CFAP251: variants seen among roughly 807,000 people sequenced by gnomAD.
CFAP251 encodes cilia and flagella associated protein 251, also known as cilia- and flagella-associated protein 251.
A neutral mutation model predicts 126.7 loss-of-function variants in CFAP251; 93 were observed. That is an observed-to-expected ratio of 0.73 (90% confidence interval 0.62 to 0.87). CFAP251 has a LOEUF of 0.87. Ranked by LOEUF, CFAP251 falls within the 40% of genes least tolerant of loss-of-function variation. CFAP251 has a pLI of 0.00. For missense variants in CFAP251, 1,287 were observed against 1,389.2 expected (o/e 0.93, Z 1.17); for synonymous variants, 503 against 506.9 (o/e 0.99, Z 0.10).
At chr12:121,986,601 ATTT>A (rs1040716904) in intron 19 of CFAP251, among the ~76,000 whole-genome samples, 1 of 143,522 alleles carries the variant, frequency 7.0e-6, no homozygotes, top group Non-Finnish European at 1.5e-5. Context: ...GCCCAGCCGA[ATTT>A]TTTTTTTTTT....
At chr12:121,979,224 T>A (rs1027677271) in intron 19 of CFAP251, among the ~76,000 whole-genome samples, 2 of 152,152 alleles carry the variant, frequency 1.3e-5, no homozygotes, top group African/African-American at 4.8e-5. Flanking sequence ...TGTTGTAAGC[T>A]CCTCTAAAGG....
At chr12:121,933,882 G>C (rs1880787163) in intron 4 of CFAP251, among the ~76,000 whole-genome samples, 1 of 152,146 alleles carries the variant, frequency 6.6e-6, no homozygotes, top group Non-Finnish European at 1.5e-5. Context: ...GAGCTGCTCA[G>C]AGCCCTGAAG....
intron 16 of CFAP251, among the ~76,000 whole-genome samples, chr12:121,967,294 T>C (rs183087152): frequency 3.9e-5 from 6 of 152,382 alleles, no homozygotes; most frequent in Admixed American, 2.6e-4. Context: ...CCAGTGAAGA[T>C]ACATGGGCCA....
intron 3 of CFAP251, 75 bp downstream of exon 3, chr12:121,924,065 G>A (rs1880303659): frequency 3.4e-6 from 5 of 1,473,008 alleles, no homozygotes; most frequent in Non-Finnish European, 3.6e-6. Context: ...ATGCATGTTG[G>A]GGGAAAAAGA....
chr12:121,946,867 C>T (rs1881345500), intron 7 of CFAP251, among the ~76,000 whole-genome samples: 1 of 152,152 alleles, frequency 6.6e-6, no homozygotes, highest in African/African-American at 2.4e-5. Flanking sequence ...GCATGAGCCA[C>T]TGCTGCACCA....
At position 121,975,656 on chromosome 12, in the gene CFAP251, G is replaced by A; in HGVS notation, c.2977G>A (p.Ala993Thr). 6.3e-7 allele frequency: 1 copy of A among 1,594,916 alleles called. No homozygotes were observed. The stretch of plus-strand genomic sequence containing the variant: ...GTCAGAGCTTCCTTTTGTCATGAGA[G>A]CAATTGGCTTTTACCCATCTGAAGA... ...CLSELPFVMR[A>T]IGFYPSEEKI... Residue 993 changes from alanine to threonine, a missense_variant, in exon 19 of 22, where the codon GCA becomes ACA. Physicochemically the swap from Ala to Thr is moderately conservative, Grantham distance 58. Transcript: ENST00000288912.
intron 19 of CFAP251, among the ~76,000 whole-genome samples, chr12:121,991,187 C>A (rs1436126627): frequency 1.3e-5 from 2 of 152,232 alleles, no homozygotes; most frequent in Non-Finnish European, 2.9e-5. Flanking sequence ...ATTCATCCAT[C>A]TATCTATCCA....
At chr12:121,926,505 T>G (rs77649824) in intron 3 of CFAP251, among the ~76,000 whole-genome samples, 7,687 of 152,048 alleles carry the variant, frequency 0.051, 216 homozygotes, top group African/African-American at 0.059. Context: ...TTTAAAAATC[T>G]TTTTTAGAGA....
intron 6 of CFAP251, 34 bp downstream of exon 6, chr12:121,942,679 G>A (rs1213475446): frequency 4.5e-6 from 7 of 1,547,406 alleles, no homozygotes; most frequent in African/African-American, 1.4e-5. Context: ...CAGCATCAGC[G>A]AGCTGGCCGA....
intron 19 of CFAP251, among the ~76,000 whole-genome samples, chr12:121,994,131 C>T (rs1225120992): frequency 9.2e-6 from 1 of 108,418 alleles, no homozygotes; most frequent in African/African-American, 3.7e-5. Flanking sequence ...GCCCGGCCAG[C>T]CGCCCCGTCC....
chr12:121,967,202 G>A, intron 16 of CFAP251, 133 bp downstream of exon 16: 2 of 746,492 alleles, frequency 2.7e-6, no homozygotes, highest in African/African-American at 1.7e-5. Context: ...CCAGTCAGCT[G>A]TGATACTGAA....
At position 121,989,401 on chromosome 12, in the gene CFAP251, T is replaced by C. The variant is rs1882823204; in HGVS notation, c.3007-10315T>C. On this transcript the variant is annotated intron_variant, in intron 19 of 21. Coordinates refer to ENST00000288912, the MANE Select transcript of CFAP251 (RefSeq NM_144668.6). This position sits in a 1 kb window ranked among gnomAD's most constrained non-coding sequence, Gnocchi z 4.2. The stretch of plus-strand genomic sequence containing the variant: ...TGCGTCCAGAGGGCAGAACTGTGCA[T>C]GCATGCCCCACTCCTGGAAAAAGAG... 6.6e-6 allele frequency among the ~76,000 whole-genome samples: 1 copy of C among 152,214 alleles called. No individual in the cohort carries two copies. The highest frequency in any genetic ancestry group is 2.1e-4 in the South Asian group (1 of 4,838).
At chr12:121,985,896 C>A (rs1565922876) in intron 19 of CFAP251, among the ~76,000 whole-genome samples, 1 of 152,172 alleles carries the variant, frequency 6.6e-6, no homozygotes, top group Non-Finnish European at 1.5e-5. Flanking sequence ...GTCTCTTCAC[C>A]TGTATTCCCA....
chr12:121,980,561 G>A (rs956284255), intron 19 of CFAP251, among the ~76,000 whole-genome samples: 4 of 151,850 alleles, frequency 2.6e-5, no homozygotes, highest in Admixed American at 2.0e-4. Context: ...TTGGCCAGAC[G>A]GGTCTCAAAC....
At chr12:121,920,814 G>T (rs1453226541) in intron 1 of CFAP251, among the ~76,000 whole-genome samples, 3 of 152,044 alleles carry the variant, frequency 2.0e-5, no homozygotes, top group African/African-American at 7.2e-5. Context: ...TTACAGGCGT[G>T]AGCCACTGTG....
chr12:121,922,179 C>T (rs1462806043), intron 2 of CFAP251, among the ~76,000 whole-genome samples: 1 of 149,080 alleles, frequency 6.7e-6, no homozygotes, highest in Non-Finnish European at 1.5e-5. Flanking sequence ...GTGATCTCGG[C>T]TCACTGCAAC....
At chr12:121,998,434 TA>T (rs1883070524) in intron 19 of CFAP251, 1 of 222 alleles carries the variant, frequency 4.5e-3, no homozygotes, top group Non-Finnish European at 0.011. Context: ...TTTAGTGTAA[TA>T]TATATATATA....
Position 121,975,660 on chromosome 12 carries a change from T to C in CFAP251, c.2981T>C (p.Ile994Thr), listed in dbSNP as rs761533831. 1.9e-6 allele frequency: 3 copies of C among 1,594,062 alleles called. No individual in the cohort carries two copies. The highest frequency in any genetic ancestry group is 1.1e-5 in the South Asian group (1 of 86,976). Residue 994 changes from isoleucine (I) to threonine (T), a missense_variant, in exon 19 of 22, where the codon ATT becomes ACT. Transcript: ENST00000288912. ...GAGCTTCCTTTTGTCATGAGAGCAA[T>C]TGGCTTTTACCCATCTGAAGAGAAG... ...LSELPFVMRA[I>T]GFYPSEEKID...
At chr12:121,995,711 C>T (rs777847472) in intron 19 of CFAP251, among the ~76,000 whole-genome samples, 7 of 152,082 alleles carry the variant, frequency 4.6e-5, no homozygotes, top group Admixed American at 1.3e-4. Flanking sequence ...GTCTCAAACT[C>T]CTGAGCTCAA....
Sources: allele counts gnomAD v4.1 joint callset (sites outside exome capture counted in the v4.1 genomes callset), GRCh38; gene constraint gnomAD v4.1.1; non-coding constraint Gnocchi (gnomAD v3.1); transcripts MANE v1.5; gene names NCBI Gene and HGNC (gene_info 2026-07-23, HGNC 2026-07-21).